WWC2: variants seen among roughly 807,000 people sequenced by gnomAD.
WWC2 encodes protein WWC2.
Under a neutral mutation model 138.5 loss-of-function variants are expected in WWC2, and 101 were observed. The observed-to-expected ratio is 0.73, with a 90% CI of 0.62 to 0.86. WWC2 has a LOEUF of 0.86. WWC2 is among the 40% of genes least tolerant of loss of function. WWC2 has a pLI of 0.00. For synonymous variants in WWC2, 558 were observed against 538.4 expected (o/e 1.04, Z -0.50); for missense variants, 1,420 against 1,419.4 (o/e 1.00, Z -0.01).
chr4:183,316,145 C>T lies in WWC2; in HGVS notation c.*416C>T, dbSNP rs1285789938. On this transcript the variant is annotated 3_prime_UTR_variant, in exon 23 of 23. Transcript: ENST00000403733. ...TAGGCTGTGCCGATGGCAGCAGCGC[C>T]ACGTGGTATCTGTGCGCTGGCGAGG... The T allele has an allele frequency of 5.7e-6, 1 of 175,272 alleles. No individual in the cohort carries two copies. The highest frequency in any genetic ancestry group is 1.2e-5 in the Non-Finnish European group (1 of 81,504). The allele number at this position is 175,272 out of a possible 1,614,324, so 10.9% of individuals were successfully genotyped here. A position where few individuals can be genotyped will look rare whatever the true frequency, so the allele number is the denominator to read the frequency against.
At chr4:183,229,157 G>A (rs1736165210) in intron 4 of WWC2, among the ~76,000 whole-genome samples, 1 of 152,034 alleles carries the variant, frequency 6.6e-6, no homozygotes, top group African/African-American at 2.4e-5. Context: ...TTGCTACTTC[G>A]AGGACACTCG....
At chr4:183,233,902 G>A (rs1736336438) in intron 4 of WWC2, 1 of 152,202 alleles carries the variant, frequency 6.6e-6, no homozygotes, top group African/African-American at 2.4e-5. Flanking sequence ...GCCCTTTATT[G>A]GCTTGCTTAA....
intron 21 of WWC2, among the ~76,000 whole-genome samples, chr4:183,293,340 ATATATT>A (rs749558257): frequency 3.9e-5 from 6 of 152,224 alleles, no homozygotes; most frequent in African/African-American, 9.6e-5. Flanking sequence ...ATACTAGGAA[ATATATT>A]TATATAATTC....
At chr4:183,301,753 T>C (rs1348020742) in intron 21 of WWC2, among the ~76,000 whole-genome samples, 1 of 152,252 alleles carries the variant, frequency 6.6e-6, no homozygotes, top group Admixed American at 6.5e-5. Flanking sequence ...ATGGTTATTA[T>C]AACAAATTCA....
In WWC2 at chr4:183,293,101, C is replaced by T. The variant is rs188035684; in HGVS notation, c.3384+3466C>T. 1.6e-3 allele frequency among the ~76,000 whole-genome samples: 236 copies of T among 152,210 alleles called. 3 individuals carry two copies. Among genetic ancestry groups the T allele is most frequent in the African/African-American group, 5.3e-3 (222 of 41,540 alleles). On this transcript the variant is annotated intron_variant, in intron 21 of 22. Transcript: ENST00000403733. ...TGGAGAGTAGCTGGGGCTACAGGTG[C>T]ACACCGCCACACTCAGCTAATTTTT...
chr4:183,269,653 A>G, intron 15 of WWC2: 1 of 366,442 alleles, frequency 2.7e-6, no homozygotes, highest in African/African-American at 2.1e-5. Context: ...GCCAGATATC[A>G]AAAAGATATC....
At chr4:183,166,439 T>C (rs1301933409) in intron 1 of WWC2, among the ~76,000 whole-genome samples, 1 of 152,236 alleles carries the variant, frequency 6.6e-6, no homozygotes, top group Non-Finnish European at 1.5e-5. Context: ...GACAGTGCTC[T>C]TCACTTTTGT....
chr4:183,141,883 A>G (rs941994052), intron 1 of WWC2, among the ~76,000 whole-genome samples: 1 of 152,248 alleles, frequency 6.6e-6, no homozygotes, highest in African/African-American at 2.4e-5. Context: ...GCTTGTAGCC[A>G]TGAATACTAC....
intron 4 of WWC2, among the ~76,000 whole-genome samples, chr4:183,215,506 G>A (rs1427689766): frequency 6.6e-6 from 1 of 152,142 alleles, no homozygotes; most frequent in Admixed American, 6.5e-5. Context: ...AGGAACTAGT[G>A]TTATCTAATA....
chr4:183,269,237 T>C (rs1207504768), intron 15 of WWC2, 74 bp downstream of exon 15: 1 of 1,458,136 alleles, frequency 6.9e-7, no homozygotes, highest in Non-Finnish European at 9.3e-7. Flanking sequence ...TTGTAGTTGC[T>C]ATTTTGCCAG....
chr4:183,116,650 T>TA (rs1417612095), intron 1 of WWC2, among the ~76,000 whole-genome samples: 1 of 152,258 alleles, frequency 6.6e-6, no homozygotes. Context: ...TTTCATCACT[T>TA]AAAGTTTGCC....
intron 1 of WWC2, among the ~76,000 whole-genome samples, chr4:183,102,666 T>G (rs1212880914): frequency 6.6e-6 from 1 of 152,180 alleles, no homozygotes; most frequent in Non-Finnish European, 1.5e-5. Flanking sequence ...TGTTTATTTT[T>G]CAGGCTGAGT....
intron 21 of WWC2, among the ~76,000 whole-genome samples, chr4:183,299,358 G>A (rs1195344531): frequency 6.6e-6 from 1 of 152,082 alleles, no homozygotes; most frequent in East Asian, 1.9e-4. Context: ...CTGCCCCTCC[G>A]TCTTTGCTTC....
intron 2 of WWC2, among the ~76,000 whole-genome samples, chr4:183,204,565 T>A (rs1735391043): frequency 6.6e-6 from 1 of 152,228 alleles, no homozygotes. Context: ...TCATCATCAG[T>A]CATTCATTTG....
At chr4:183,210,825 C>G (rs1175131217) in intron 4 of WWC2, among the ~76,000 whole-genome samples, 1 of 152,174 alleles carries the variant, frequency 6.6e-6, no homozygotes. Flanking sequence ...TTATAACACA[C>G]AGTGGTATTT....
chr4:183,209,393 A>G (rs561388282), intron 4 of WWC2, among the ~76,000 whole-genome samples: 2 of 152,160 alleles, frequency 1.3e-5, no homozygotes, highest in South Asian at 4.2e-4. Context: ...ATGCACAACT[A>G]ATTTTAGTAT....
chr4:183,303,689 G>A (rs1471872188), intron 21 of WWC2, among the ~76,000 whole-genome samples: 3 of 152,104 alleles, frequency 2.0e-5, no homozygotes, highest in African/African-American at 7.2e-5. Context: ...CATAAATTTG[G>A]ATTTTATATC....
intron 1 of WWC2, among the ~76,000 whole-genome samples, chr4:183,173,318 T>C (rs1373815334): frequency 6.6e-6 from 1 of 152,130 alleles, no homozygotes; most frequent in African/African-American, 2.4e-5. Flanking sequence ...TCCCAAAGTG[T>C]TGGGATTGCA....
chr4:183,104,525 C>G (rs946790040), intron 1 of WWC2, among the ~76,000 whole-genome samples: 1 of 152,002 alleles, frequency 6.6e-6, no homozygotes, highest in African/African-American at 2.4e-5. Flanking sequence ...CAAAATGAAC[C>G]TTGATAGTCT....
Sources: allele counts gnomAD v4.1 joint callset (sites outside exome capture counted in the v4.1 genomes callset), GRCh38; gene constraint gnomAD v4.1.1; transcripts MANE v1.5; gene names NCBI Gene and HGNC (gene_info 2026-07-23, HGNC 2026-07-21).